PRKCB: variants seen among roughly 807,000 people sequenced by gnomAD.
PRKCB encodes protein kinase C beta type.
A neutral mutation model predicts 81.5 loss-of-function variants in PRKCB; 13 were observed. That is an observed-to-expected ratio of 0.16 (90% CI 0.10 to 0.25). PRKCB has a LOEUF of 0.25. PRKCB is among the 10% of genes least tolerant of loss of function. The pLI, the probability that PRKCB is intolerant of heterozygous loss-of-function variation, is 1.00. For synonymous variants in PRKCB, 335 were observed against 321.4 expected, an observed-to-expected ratio of 1.04 and a Z score of -0.45; for missense variants, 509 against 875.7, an observed-to-expected ratio of 0.58 and a Z score of 5.29.
At chr16:24,187,130 A>G (rs1270378826) in intron 15 of PRKCB, among the ~76,000 whole-genome samples, 1 of 152,246 alleles carries the variant, frequency 6.6e-6, no homozygotes, top group Non-Finnish European at 1.5e-5. Flanking sequence ...TTACCAGCAT[A>G]TAAGGATCCA....
intron 11 of PRKCB, among the ~76,000 whole-genome samples, chr16:24,173,596 A>G (rs951544627): frequency 6.6e-6 from 1 of 152,168 alleles, no homozygotes; most frequent in African/African-American, 2.4e-5. Context: ...CTAACATCTA[A>G]TTGACCACAG....
At chr16:24,015,311 CT>C (rs1965262327) in intron 3 of PRKCB, among the ~76,000 whole-genome samples, 1 of 152,220 alleles carries the variant, frequency 6.6e-6, no homozygotes, top group Non-Finnish European at 1.5e-5. Flanking sequence ...ACTCAAGTAG[CT>C]TGCTCGAGGC....
At chr16:23,950,815 T>TG (rs1161254393) in intron 2 of PRKCB, among the ~76,000 whole-genome samples, 6 of 152,234 alleles carry the variant, frequency 3.9e-5, no homozygotes, top group Non-Finnish European at 7.3e-5. Context: ...GTTTCCTCCT[T>TG]ATTTTCCATA....
intron 5 of PRKCB, among the ~76,000 whole-genome samples, chr16:24,068,256 A>G (rs1191560877): frequency 6.6e-6 from 1 of 152,136 alleles, no homozygotes; most frequent in East Asian, 1.9e-4. Flanking sequence ...TGATTGGTAG[A>G]GACTCAAGAG....
Position 24,124,976 on chromosome 16 carries a change from A to G in PRKCB, c.1065+995A>G, listed in dbSNP as rs561596658. Among the ~76,000 whole-genome samples, 8 of 152,300 alleles carry G rather than the reference A, an allele frequency of 5.3e-5. No homozygotes were observed. In the East Asian group the frequency reaches 1.4e-3, roughly 26 times the overall value. On this transcript the variant is annotated intron_variant, in intron 9 of 16. Transcript: ENST00000643927. ...ATACCACCCAAATCTAATCATTAAT[A>G]TCACCTGGATAACTGCAGAAACTCC... is the stretch of plus-strand genomic sequence containing the variant.
chr16:24,190,907 T>G (rs909050492), intron 15 of PRKCB, among the ~76,000 whole-genome samples, 183 bp from the exon 16 acceptor site: 1 of 152,186 alleles, frequency 6.6e-6, no homozygotes, highest in African/African-American at 2.4e-5. Context: ...GGTCCTATTA[T>G]CAGGTCCTCT....
At chr16:23,979,733 G>A (rs1216087880) in intron 2 of PRKCB, among the ~76,000 whole-genome samples, 2 of 152,162 alleles carry the variant, frequency 1.3e-5, no homozygotes, top group African/African-American at 4.8e-5. Context: ...GAGAGTGTGG[G>A]CTCTAGAGGA....
chr16:23,863,142 ATG>A (rs1300536270), intron 2 of PRKCB, among the ~76,000 whole-genome samples: 2 of 147,390 alleles, frequency 1.4e-5, no homozygotes, highest in Non-Finnish European at 1.5e-5. Flanking sequence ...ATGCATGTGT[ATG>A]TGTATATATA....
chr16:23,945,396 C>T (rs1964191923), intron 2 of PRKCB, among the ~76,000 whole-genome samples: 1 of 152,190 alleles, frequency 6.6e-6, no homozygotes, highest in Non-Finnish European at 1.5e-5. Flanking sequence ...TAATTTCCTT[C>T]CCTCATTTGT....
chr16:24,021,913 C>T (rs749814044), intron 3 of PRKCB, among the ~76,000 whole-genome samples: 16 of 152,048 alleles, frequency 1.1e-4, no homozygotes, highest in Admixed American at 4.6e-4. Context: ...AAGTCACATT[C>T]GACGGTTATT....
chr16:23,904,953 G>T (rs1404559055), intron 2 of PRKCB, among the ~76,000 whole-genome samples: 1 of 151,768 alleles, frequency 6.6e-6, no homozygotes, highest in Non-Finnish European at 1.5e-5. Flanking sequence ...TCATGGAAAA[G>T]GCCAGCTTTT....
chr16:24,018,914 G>C (rs1292254820), intron 3 of PRKCB, among the ~76,000 whole-genome samples: 1 of 152,106 alleles, frequency 6.6e-6, no homozygotes. Context: ...CGTCCACTCA[G>C]TCTCAATTAA....
Position 23,905,421 on chromosome 16 carries a change from C to A in PRKCB, c.205+68015C>A, listed in dbSNP as rs547971652. 7.0e-4 allele frequency among the ~76,000 whole-genome samples: 106 copies of A among 152,290 alleles called. 1 individual carries two copies. Among genetic ancestry groups the A allele is most frequent in the African/African-American group, 2.4e-3 (101 of 41,548 alleles). On this transcript the variant is annotated intron_variant, in intron 2 of 16. Transcript: ENST00000643927. ...TTCCCCAGAACTTCACTCCTCACCCCCAGAATAGGTTGCCCAGTTAACAGG... is the reference window on the plus strand; with the variant it reads ...TTCCCCAGAACTTCACTCCTCACCCACAGAATAGGTTGCCCAGTTAACAGG...
chr16:24,107,411 A>G (rs570544193), intron 7 of PRKCB, among the ~76,000 whole-genome samples: 1 of 152,306 alleles, frequency 6.6e-6, no homozygotes, highest in East Asian at 1.9e-4. Flanking sequence ...AACATTTCAT[A>G]TCTGGATAAA....
At chr16:23,981,583 T>C (rs972541473) in intron 2 of PRKCB, among the ~76,000 whole-genome samples, 22 of 150,164 alleles carry the variant, frequency 1.5e-4, no homozygotes, top group African/African-American at 2.7e-4. Flanking sequence ...TCTTTTCCTT[T>C]CCTTTCCTTC....
At chr16:24,080,815 T>C (rs957107333) in intron 5 of PRKCB, among the ~76,000 whole-genome samples, 1 of 152,214 alleles carries the variant, frequency 6.6e-6, no homozygotes, top group Non-Finnish European at 1.5e-5. Context: ...TAACACATGA[T>C]ACTTTGTGGA....
At chr16:24,042,354 G>C (rs1965709409) in intron 5 of PRKCB, among the ~76,000 whole-genome samples, 1 of 147,706 alleles carries the variant, frequency 6.8e-6, no homozygotes, top group Admixed American at 6.9e-5. Context: ...CTGAGGTCCA[G>C]AGAAAGGTTA....
chr16:24,014,825 C>A (rs1413046108), intron 3 of PRKCB, among the ~76,000 whole-genome samples: 1 of 152,082 alleles, frequency 6.6e-6, no homozygotes, highest in Non-Finnish European at 1.5e-5. Context: ...CAGAGTCTTG[C>A]TCTTGTCACC....
intron 3 of PRKCB, among the ~76,000 whole-genome samples, chr16:23,999,715 A>C (rs1965007149): frequency 6.6e-6 from 1 of 152,212 alleles, no homozygotes; most frequent in African/African-American, 2.4e-5. Flanking sequence ...GTTATTCAGC[A>C]CTCAGAATAC....
Sources: gnomAD v4.1 joint callset for allele counts (sites outside exome capture counted in the v4.1 genomes callset) on GRCh38, gnomAD v4.1.1 for gene constraint, MANE v1.5 for transcripts, NCBI Gene and HGNC (gene_info 2026-07-23, HGNC 2026-07-21) for gene names.